Variants in FAM228B observed in about 807,000 individuals in gnomAD.
FAM228B encodes the protein protein FAM228B.
FAM228B carries 38 observed loss-of-function variants against 42.6 expected under a neutral mutation model. The observed-to-expected ratio is 0.89, with a 90% confidence interval of 0.69 to 1.17. The LOEUF is 1.17. Ranked by LOEUF, FAM228B falls within the 50% of genes most tolerant of loss-of-function variation. The probability of loss-of-function intolerance (pLI) is 0.00; values close to 1 mark genes in which losing one functional copy is unlikely to be tolerated. For missense variants in FAM228B, 344 were observed against 367.3 expected, an observed-to-expected ratio of 0.94 and a Z score of 0.52; for synonymous variants, 109 against 122.3, an observed-to-expected ratio of 0.89 and a Z score of 0.72.
At chr2:24,137,486 T>A (rs1054849608) in intron 3 of FAM228B, among the ~76,000 whole-genome samples, 1 of 152,312 alleles carries the variant, frequency 6.6e-6, no homozygotes, top group Non-Finnish European at 1.5e-5. Flanking sequence ...TCCCACTGTT[T>A]GTGATTTTGT....
chr2:24,122,598 G>C, upstream of FAM228B: 2 of 1,115,992 alleles, frequency 1.8e-6, no homozygotes, highest in Non-Finnish European at 2.7e-6. Context: ...GCTTTTAAAA[G>C]GCATGTGAAT....
chr2:24,137,468 A>G (rs901677036), intron 3 of FAM228B, among the ~76,000 whole-genome samples: 3 of 152,132 alleles, frequency 2.0e-5, no homozygotes, highest in African/African-American at 7.2e-5. Context: ...ATCTTGCTAT[A>G]TTCCCCCTCC....
intron 8 of FAM228B, among the ~76,000 whole-genome samples, chr2:24,162,455 C>G (rs1236601987): frequency 6.6e-6 from 1 of 152,214 alleles, no homozygotes; most frequent in East Asian, 1.9e-4. Context: ...GTCGTGCTGC[C>G]CCTCAGATAT....
chr2:24,154,449 C>T (rs991391639), intron 7 of FAM228B, among the ~76,000 whole-genome samples: 3 of 152,140 alleles, frequency 2.0e-5, no homozygotes, highest in African/African-American at 4.8e-5. Context: ...AAGAATCCTT[C>T]GTATATTTTG....
At chr2:24,083,172 C>A (rs750128704) in intron 2 of FAM228B, 90 of 1,579,674 alleles carry the variant, frequency 5.7e-5, no homozygotes, top group Middle Eastern at 3.4e-4. Context: ...AAGAAGTGCA[C>A]TAAGTGGTGA....
intron 3 of FAM228B, chr2:24,097,584 T>G (rs1485476357): frequency 1.3e-5 from 2 of 151,824 alleles, no homozygotes; most frequent in African/African-American, 4.8e-5. Context: ...AAGAGCTAAC[T>G]ATCCTAAATA....
intron 10 of FAM228B, chr2:24,168,017 C>T (rs1207808839): frequency 3.7e-6 from 1 of 270,064 alleles, no homozygotes; most frequent in Non-Finnish European, 7.4e-6. Context: ...GATGGAACTG[C>T]CACTACTTCA....
intron 3 of FAM228B, among the ~76,000 whole-genome samples, chr2:24,111,533 A>G (rs1366300695): frequency 1.3e-5 from 2 of 152,150 alleles, no homozygotes; most frequent in African/African-American, 4.8e-5. Context: ...GTCTTTGTTT[A>G]GCTTTGGGCC....
At chr2:24,109,844 A>C (rs1468782266) in intron 3 of FAM228B, among the ~76,000 whole-genome samples, 1 of 152,216 alleles carries the variant, frequency 6.6e-6, no homozygotes, top group Non-Finnish European at 1.5e-5. Context: ...GGGAGTGTAA[A>C]TTAGTTCAGC....
intron 5 of FAM228B, among the ~76,000 whole-genome samples, chr2:24,141,812 AACCTTGAGT>A (rs1316880296): frequency 6.6e-6 from 1 of 152,200 alleles, no homozygotes; most frequent in Non-Finnish European, 1.5e-5. Context: ...GGAGGTATCC[AACCTTGAGT>A]TGTACAGTCA....
At chr2:24,081,999 CTTTCTT>C (rs1187647407) in intron 2 of FAM228B, among the ~76,000 whole-genome samples, 1 of 150,178 alleles carries the variant, frequency 6.7e-6, no homozygotes, top group Non-Finnish European at 1.5e-5. Context: ...CCAGCCTACT[CTTTCTT>C]TTTCTTTGAG....
chr2:24,137,587 G>A (rs1666619917), intron 3 of FAM228B, among the ~76,000 whole-genome samples: 1 of 152,072 alleles, frequency 6.6e-6, no homozygotes, highest in Admixed American at 6.5e-5. Flanking sequence ...TGAAGTCCTG[G>A]GCTCAAGTGA....
chr2:24,101,514 T>C (rs892806402), intron 3 of FAM228B, among the ~76,000 whole-genome samples: 2 of 152,238 alleles, frequency 1.3e-5, no homozygotes, highest in Non-Finnish European at 2.9e-5. Context: ...CAATATGTAT[T>C]ATTTTAAATA....
Position 24,084,447 on chromosome 2 carries a change from A to G in FAM228B, c.-210+3492A>G. 5 of 1,290,184 alleles carry G rather than the reference A, an allele frequency of 3.9e-6. No homozygotes were observed. Among genetic ancestry groups the G allele is most frequent in the Non-Finnish European group, 5.1e-6 (5 of 983,488 alleles). 79.9% of individuals were successfully genotyped at this position (1,290,184 alleles called of 1,614,324 possible). A position where few individuals can be genotyped will look rare whatever the true frequency, so the allele number is the denominator to read the frequency against. ...CCGCTGTATCCTCGCGGAGCAGCCC[A>G]GCCTCAGGCTGGCACCGCAGCGCCC... On this transcript the variant is annotated intron_variant, in intron 2 of 10. Coordinates refer to the FAM228B transcript ENST00000613899. This position sits in a 1 kb window ranked among gnomAD's most constrained non-coding sequence, Gnocchi z 8.4.
intron 3 of FAM228B, among the ~76,000 whole-genome samples, chr2:24,102,052 A>T (rs1449622964): frequency 1.3e-5 from 2 of 152,246 alleles, no homozygotes; most frequent in South Asian, 4.1e-4. Context: ...AAAAAATTTC[A>T]TCATAGGAAT....
intron 3 of FAM228B, among the ~76,000 whole-genome samples, chr2:24,097,809 C>T (rs944406912): frequency 2.6e-5 from 4 of 152,192 alleles, no homozygotes; most frequent in Admixed American, 6.5e-5. Flanking sequence ...TAACTCTCCA[C>T]CCCAAATCAA....
intron 2 of FAM228B, among the ~76,000 whole-genome samples, chr2:24,132,137 G>T (rs983742132): frequency 1.3e-5 from 2 of 152,172 alleles, no homozygotes; most frequent in Non-Finnish European, 2.9e-5. Context: ...TATGTTTATT[G>T]ATTTGCATAT....
intron 7 of FAM228B, among the ~76,000 whole-genome samples, chr2:24,148,276 A>G (rs1220180872): frequency 6.6e-6 from 1 of 152,166 alleles, no homozygotes; most frequent in African/African-American, 2.4e-5. Context: ...TATTCTCTCC[A>G]TGCTCTTCCC....
chr2:24,136,735 T>C (rs1183962089), intron 3 of FAM228B, among the ~76,000 whole-genome samples: 1 of 152,240 alleles, frequency 6.6e-6, no homozygotes, highest in African/African-American at 2.4e-5. Flanking sequence ...AAAAAATTAA[T>C]CATTTTTTTC....
Sources: allele counts gnomAD v4.1 joint callset (sites outside exome capture counted in the v4.1 genomes callset), GRCh38; gene constraint gnomAD v4.1.1; non-coding constraint Gnocchi (gnomAD v3.1); transcripts MANE v1.5; gene names NCBI Gene and HGNC (gene_info 2026-07-23, HGNC 2026-07-21).